GRM3: variants seen among roughly 807,000 people sequenced by gnomAD.
The protein encoded by GRM3 is glutamate metabotropic receptor 3.
A neutral mutation model predicts 70.5 loss-of-function variants in GRM3; 26 were observed. The ratio of observed to expected loss-of-function variants is 0.37; its 90% CI spans 0.27 to 0.51. GRM3 has a LOEUF of 0.51. Ranked by LOEUF, GRM3 falls within the 20% of genes least tolerant of loss-of-function variation. The pLI is 0.93. For missense variants in GRM3, 859 were observed against 1,123.8 expected, an observed-to-expected ratio of 0.76 and a Z score of 3.37; for synonymous variants, 443 against 434.9, an observed-to-expected ratio of 1.02 and a Z score of -0.23.
At chr7:86,815,370 T>C (rs2116668209) in intron 3 of GRM3, among the ~76,000 whole-genome samples, 1 of 152,016 alleles carries the variant, frequency 6.6e-6, no homozygotes, top group South Asian at 2.1e-4. Context: ...TTGATGATTT[T>C]GTCAAGCCAT....
rs1793409593 is a variant in GRM3, at chr7:86,644,693, G to C, written c.-320G>C. 3.7e-6 allele frequency: 3 copies of C among 806,252 alleles called. No homozygotes were observed. Among genetic ancestry groups the C allele is most frequent in the Non-Finnish European group, 5.5e-6 (3 of 546,242 alleles). 49.9% of individuals were successfully genotyped at this position (806,252 alleles called of 1,614,324 possible). A position where few individuals can be genotyped will look rare whatever the true frequency, so the allele number is the denominator to read the frequency against. The stretch of plus-strand genomic sequence containing the variant: ...CTGTGACAGGAAGCTGCGCGCACAA[G>C]TTGGCCATTTCGAGGGCAAAATAAG... On this transcript the variant is annotated 5_prime_UTR_variant, in exon 1 of 6. Coordinates refer to ENST00000361669, the MANE Select transcript of GRM3 (RefSeq NM_000840.3).
intron 1 of GRM3, among the ~76,000 whole-genome samples, chr7:86,734,334 A>C (rs1246920012): frequency 6.6e-6 from 1 of 152,174 alleles, no homozygotes; most frequent in Non-Finnish European, 1.5e-5. Context: ...TTGTTGAATT[A>C]GTTCCTTTTC....
intron 1 of GRM3, among the ~76,000 whole-genome samples, chr7:86,674,515 G>A (rs1794253187): frequency 1.3e-5 from 2 of 152,108 alleles, no homozygotes; most frequent in Admixed American, 6.6e-5. Context: ...AAGAGAAGGA[G>A]CATCAAAGAA....
At chr7:86,814,261 T>C (rs919742222) in intron 3 of GRM3, among the ~76,000 whole-genome samples, 5 of 151,962 alleles carry the variant, frequency 3.3e-5, no homozygotes, top group Admixed American at 2.0e-4. Context: ...CCATAAGTTA[T>C]TGGGGTACCG....
intron 1 of GRM3, among the ~76,000 whole-genome samples, chr7:86,751,514 C>T (rs948360780): frequency 2.0e-5 from 3 of 152,150 alleles, no homozygotes; most frequent in African/African-American, 7.2e-5. Context: ...AACAGTGGAA[C>T]ATAGTAAAAC....
intron 3 of GRM3, among the ~76,000 whole-genome samples, chr7:86,816,073 G>C (rs1210372309): frequency 6.6e-6 from 1 of 151,888 alleles, no homozygotes; most frequent in Non-Finnish European, 1.5e-5. Flanking sequence ...GAAGGTATAA[G>C]TCATTCTAGC....
chr7:86,709,262 A>C lies in GRM3; in HGVS notation c.-140-55744A>C, dbSNP rs146264884. Among the ~76,000 whole-genome samples, 249 of 152,016 alleles carry C rather than the reference A, an allele frequency of 1.6e-3. 1 individual carries two copies. Among genetic ancestry groups the C allele is most frequent in the African/African-American group, 5.6e-3 (234 of 41,492 alleles). On this transcript the variant is annotated intron_variant, in intron 1 of 5. Transcript: ENST00000361669. The stretch of plus-strand genomic sequence containing the variant: ...TCTTCCTTAAGGTCCCCGTAACCGC[A>C]ATGAGTTCCCCTAATTCACCCAACT...
At chr7:86,834,646 T>TAA (rs1312387671) in intron 3 of GRM3, among the ~76,000 whole-genome samples, 2 of 151,942 alleles carry the variant, frequency 1.3e-5, no homozygotes, top group Non-Finnish European at 2.9e-5. Context: ...TATTGTTTGT[T>TAA]AAGTACACTA....
rs1795184157 is a variant in GRM3, at chr7:86,710,931, A to G, written c.-140-54075A>G. Reference sequence around the variant, plus strand: ...GGGTGCCTGAAGTCACAGTGTTAGAAAAGTGTTAAAGCCCCTGTTCCTCCT... The same window carrying G: ...GGGTGCCTGAAGTCACAGTGTTAGAGAAGTGTTAAAGCCCCTGTTCCTCCT... On this transcript the variant is annotated intron_variant, in intron 1 of 5. Coordinates refer to ENST00000361669, the MANE Select transcript of GRM3 (RefSeq NM_000840.3). Among the ~76,000 whole-genome samples the G allele has an allele frequency of 2.0e-5, 3 of 152,162 alleles. No homozygotes were observed. In the South Asian group the frequency reaches 6.2e-4, roughly 32 times the overall value.
At chr7:86,782,329 GTT>G (rs61140551) in intron 2 of GRM3, among the ~76,000 whole-genome samples, 5,961 of 141,702 alleles carry the variant, frequency 0.042, 152 homozygotes, top group East Asian at 0.067. Flanking sequence ...TTATGGGGTG[GTT>G]TTTTTTTTTT....
chr7:86,708,960 CAA>C (rs397837328), intron 1 of GRM3, among the ~76,000 whole-genome samples: 1 of 131,752 alleles, frequency 7.6e-6, no homozygotes, highest in African/African-American at 2.9e-5. Context: ...CACACACACA[CAA>C]ACAGAGTTAA....
intron 1 of GRM3, among the ~76,000 whole-genome samples, chr7:86,686,249 G>A (rs1041860357): frequency 6.6e-6 from 1 of 152,138 alleles, no homozygotes; most frequent in Admixed American, 6.6e-5. Flanking sequence ...AGTTTGGCAT[G>A]GGAGAACAGA....
At chr7:86,825,187 G>A (rs1318252508) in intron 3 of GRM3, among the ~76,000 whole-genome samples, 6 of 152,116 alleles carry the variant, frequency 3.9e-5, no homozygotes, top group East Asian at 3.9e-4. Context: ...TTTAGCTCCC[G>A]CTTATAAGTG....
intron 1 of GRM3, among the ~76,000 whole-genome samples, chr7:86,736,622 A>G (rs1795866977): frequency 6.6e-6 from 1 of 152,156 alleles, no homozygotes; most frequent in Non-Finnish European, 1.5e-5. Context: ...GCCATCTTCC[A>G]CATGTGGTTT....
chr7:86,738,379 C>T (rs1795911993), intron 1 of GRM3, among the ~76,000 whole-genome samples: 1 of 152,156 alleles, frequency 6.6e-6, no homozygotes, highest in Non-Finnish European at 1.5e-5. Context: ...GAAAGTCTGA[C>T]AGAGACAGAA....
intron 1 of GRM3, among the ~76,000 whole-genome samples, chr7:86,657,949 T>C (rs756448307): frequency 7.9e-5 from 12 of 152,154 alleles, no homozygotes; most frequent in Non-Finnish European, 8.8e-5. Context: ...TAATGGAAAA[T>C]GTGGGAGTTG....
At chr7:86,683,784 G>A (rs1794497200) in intron 1 of GRM3, among the ~76,000 whole-genome samples, 2 of 152,102 alleles carry the variant, frequency 1.3e-5, no homozygotes, top group South Asian at 2.1e-4. Context: ...AGTGCCAGGT[G>A]CCTTTAATAG....
chr7:86,777,182 T>G (rs965802777), intron 2 of GRM3, among the ~76,000 whole-genome samples: 2 of 152,204 alleles, frequency 1.3e-5, no homozygotes, highest in Non-Finnish European at 2.9e-5. Flanking sequence ...AGGAATCCTT[T>G]GTGGTCTGCA....
At chr7:86,655,293 AT>A (rs1201220224) in intron 1 of GRM3, among the ~76,000 whole-genome samples, 1 of 152,174 alleles carries the variant, frequency 6.6e-6, no homozygotes, top group Non-Finnish European at 1.5e-5. Context: ...CATACTAATG[AT>A]TTTTTATCTG....
Sources: allele counts gnomAD v4.1 joint callset (sites outside exome capture counted in the v4.1 genomes callset), GRCh38; gene constraint gnomAD v4.1.1; transcripts MANE v1.5; gene names NCBI Gene and HGNC (gene_info 2026-07-23, HGNC 2026-07-21).